Variants in LIMCH1 observed in about 807,000 individuals in gnomAD.
LIMCH1 encodes the protein LIM and calponin homology domains-containing protein 1.
In LIMCH1, 113 loss-of-function variants were observed where a neutral mutation model predicts 176.5. That is an observed-to-expected ratio of 0.64 (90% CI 0.55 to 0.75). LIMCH1 has a LOEUF of 0.75. LIMCH1 is among the 30% of genes least tolerant of loss of function. The pLI, the probability that LIMCH1 is intolerant of heterozygous loss-of-function variation, is 0.00. For missense variants in LIMCH1, 1,674 were observed against 1,814.9 expected (o/e 0.92, Z 1.41); for synonymous variants, 619 against 645.9 (o/e 0.96, Z 0.63).
intron 2 of LIMCH1, among the ~76,000 whole-genome samples, chr4:41,519,165 G>A (rs143916487): frequency 9.1e-4 from 139 of 152,266 alleles, no homozygotes; most frequent in African/African-American, 3.2e-3. Context: ...CGTGAATTAG[G>A]ATGTATGACA....
chr4:41,429,702 G>C (rs1016925032), intron 1 of LIMCH1, among the ~76,000 whole-genome samples: 1 of 152,168 alleles, frequency 6.6e-6, no homozygotes, highest in Non-Finnish European at 1.5e-5. Flanking sequence ...TATCAGACAG[G>C]ATGTGTTAGA....
intron 3 of LIMCH1, 97 bp downstream of exon 3, chr4:41,604,002 T>A: frequency 9.0e-7 from 1 of 1,114,508 alleles, no homozygotes; most frequent in Non-Finnish European, 1.3e-6. Context: ...AAAAAGTCCT[T>A]AGAAAAAAGT....
rs61745963 is a variant in LIMCH1 at position 41,684,503 on chromosome 4, C to T, written c.3952C>T (p.Pro1318Ser). 11,567 of 1,613,392 alleles carry T rather than the reference C, an allele frequency of 7.2e-3. 57 individuals carry two copies. The highest frequency in any genetic ancestry group is 0.012 in the Middle Eastern group (71 of 6,054). Reference sequence around the variant, plus strand: ...TGGGGCCCCACACTGTGGAACAAACCCACAGCTTGCTCAGGGTAAGAATGG... The same window carrying T: ...TGGGGCCCCACACTGTGGAACAAACTCACAGCTTGCTCAGGGTAAGAATGG... ...EAGAPHCGTN[P>S]QLAQDPSQNQ... is the part of the protein sequence containing the mutation. Residue 1318 changes from proline (P) to serine (S), a missense_variant, in exon 27 of 32, where the codon CCA becomes TCA. By Grantham distance (74) the Pro-to-Ser change is moderately conservative. Transcript: ENST00000503057.
chr4:41,612,428 A>G (rs2091538808), intron 4 of LIMCH1: 2 of 634,750 alleles, frequency 3.2e-6, no homozygotes, highest in South Asian at 1.9e-5. Context: ...TTTGCGGATG[A>G]GAACATGCCT....
chr4:41,697,412 A>C lies in LIMCH1; in HGVS notation c.*227A>C. The C allele has an allele frequency of 2.0e-6, 1 of 499,788 alleles. No individual in the cohort carries two copies. The highest frequency in any genetic ancestry group is 3.5e-6 in the Non-Finnish European group (1 of 282,078). The allele number at this position is 499,788 out of a possible 1,614,324, so 31.0% of individuals were successfully genotyped here. A position where few individuals can be genotyped will look rare whatever the true frequency, so the allele number is the denominator to read the frequency against. On this transcript the variant is annotated 3_prime_UTR_variant, in exon 32 of 32. Coordinates refer to ENST00000503057, the MANE Select transcript of LIMCH1 (RefSeq NM_001330672.2). ...GCATTTGCACAGTATACACAAAAGAATATGGGGTTGTAATGATCCTGAATA... is the reference window on the plus strand; with the variant it reads ...GCATTTGCACAGTATACACAAAAGACTATGGGGTTGTAATGATCCTGAATA...
chr4:41,476,310 T>C (rs1561488785), intron 1 of LIMCH1, among the ~76,000 whole-genome samples: 1 of 152,252 alleles, frequency 6.6e-6, no homozygotes, highest in Non-Finnish European at 1.5e-5. Context: ...TCCTGTAATT[T>C]CAAGAGGATA....
chr4:41,428,287 C>T (rs538357197), intron 1 of LIMCH1, among the ~76,000 whole-genome samples: 1 of 152,320 alleles, frequency 6.6e-6, no homozygotes, highest in Admixed American at 6.5e-5. Context: ...CTTAACCTCA[C>T]TGTCCCTCAT....
chr4:41,440,902 G>A (rs921464397), intron 1 of LIMCH1, among the ~76,000 whole-genome samples: 6 of 152,138 alleles, frequency 3.9e-5, no homozygotes, highest in Admixed American at 2.0e-4. Context: ...AATTAATGAT[G>A]TTCTCAAAAG....
chr4:41,596,223 G>C (rs28391010), intron 1 of LIMCH1, among the ~76,000 whole-genome samples: 9,355 of 146,418 alleles, frequency 0.064, 1,116 homozygotes, highest in African/African-American at 0.24. Flanking sequence ...TACCATTTTT[G>C]TAACCGATCA....
intron 1 of LIMCH1, among the ~76,000 whole-genome samples, chr4:41,592,826 G>C (rs145354504): frequency 6.6e-6 from 1 of 152,258 alleles, no homozygotes; most frequent in Non-Finnish European, 1.5e-5. Flanking sequence ...TTTGTGCCCT[G>C]TTCCTTGATA....
chr4:41,379,357 A>C lies in LIMCH1; in HGVS notation c.96+18421A>C, dbSNP rs1037236321. Among the ~76,000 whole-genome samples the C allele has an allele frequency of 1.2e-4, 19 of 152,296 alleles. 1 individual carries two copies. Among genetic ancestry groups the C allele is most frequent in the Non-Finnish European group, 2.1e-4 (14 of 68,028 alleles). ...GTGGGGCTGCTTGTGTGTCCTTATA[A>C]CATGGCAGCTGACTTCCCCTAAAGT... On this transcript the variant is annotated intron_variant, in intron 1 of 26. Transcript: ENST00000313860.
intron 1 of LIMCH1, among the ~76,000 whole-genome samples, chr4:41,466,944 CT>C (rs1188124338): frequency 6.6e-6 from 1 of 152,086 alleles, no homozygotes; most frequent in Admixed American, 6.6e-5. Context: ...TGCCCTCCAG[CT>C]TTTGGAAACC....
At chr4:41,389,724 A>T (rs2056983861) in intron 1 of LIMCH1, 1 of 152,226 alleles carries the variant, frequency 6.6e-6, no homozygotes, top group Non-Finnish European at 1.5e-5. Flanking sequence ...ATTAAATAAA[A>T]AAAGAGTCCT....
At chr4:41,380,070 G>T (rs998847353) in intron 1 of LIMCH1, among the ~76,000 whole-genome samples, 1 of 152,182 alleles carries the variant, frequency 6.6e-6, no homozygotes, top group Non-Finnish European at 1.5e-5. Flanking sequence ...CTCCCAAAGT[G>T]CTAGGATTAC....
chr4:41,593,828 T>G (rs1468046022), intron 1 of LIMCH1, among the ~76,000 whole-genome samples: 3 of 152,220 alleles, frequency 2.0e-5, no homozygotes, highest in African/African-American at 4.8e-5. Flanking sequence ...ATCTGACCCT[T>G]TATAGAAAAA....
At chr4:41,623,735 T>A (rs1355322515) in intron 7 of LIMCH1, among the ~76,000 whole-genome samples, 2 of 152,182 alleles carry the variant, frequency 1.3e-5, no homozygotes, top group Non-Finnish European at 2.9e-5. Context: ...CACTCCAGCC[T>A]GGGCAACAGA....
intron 21 of LIMCH1, chr4:41,670,865 AC>A (rs2094993391): frequency 1.3e-6 from 2 of 1,511,132 alleles, no homozygotes; most frequent in Non-Finnish European, 1.8e-6. Flanking sequence ...GATGTGTGGC[AC>A]TTGTCTTCAT....
intron 1 of LIMCH1, among the ~76,000 whole-genome samples, chr4:41,457,123 T>C (rs1333316321): frequency 1.3e-5 from 2 of 152,190 alleles, no homozygotes; most frequent in African/African-American, 4.8e-5. Flanking sequence ...CTCTCTACAG[T>C]AGATGTAACA....
chr4:41,539,438 A>G (rs143956232), intron 1 of LIMCH1, among the ~76,000 whole-genome samples: 8 of 152,294 alleles, frequency 5.3e-5, no homozygotes, highest in East Asian at 3.9e-4. Context: ...GCCTGAGGGT[A>G]TGTGCCACTC....
Sources: gnomAD v4.1 joint callset for allele counts (sites outside exome capture counted in the v4.1 genomes callset) on GRCh38, gnomAD v4.1.1 for gene constraint, MANE v1.5 for transcripts, NCBI Gene and HGNC (gene_info 2026-07-23, HGNC 2026-07-21) for gene names.